Variants in NOX3 observed in about 807,000 individuals in gnomAD.
NOX3 encodes the protein NADPH oxidase catalytic subunit-like 3.
Under a neutral mutation model 76.7 loss-of-function variants are expected in NOX3, and 74 were observed. That is an observed-to-expected ratio of 0.96 (90% CI 0.80 to 1.17). NOX3 has a LOEUF of 1.17. Ranked by LOEUF, NOX3 falls within the 50% of genes most tolerant of loss-of-function variation. The pLI is 0.00. For missense variants in NOX3, 695 were observed against 703.3 expected (o/e 0.99, Z 0.13); for synonymous variants, 263 against 261.1 (o/e 1.01, Z -0.07).
At chr6:155,398,145 T>A (rs1779164265) in intron 12 of NOX3, among the ~76,000 whole-genome samples, 1 of 152,232 alleles carries the variant, frequency 6.6e-6, no homozygotes, top group Non-Finnish European at 1.5e-5. Flanking sequence ...CTGAATTAGT[T>A]ACTCTAGTGT....
intron 6 of NOX3, among the ~76,000 whole-genome samples, chr6:155,436,851 G>A (rs533856988): frequency 6.6e-6 from 1 of 152,322 alleles, no homozygotes; most frequent in African/African-American, 2.4e-5. Flanking sequence ...TCCTTTTGTA[G>A]ACTGTTGAAT....
intron 11 of NOX3, among the ~76,000 whole-genome samples, chr6:155,408,703 G>A (rs1247977658): frequency 6.6e-6 from 1 of 152,088 alleles, no homozygotes; most frequent in Non-Finnish European, 1.5e-5. Flanking sequence ...GAACTAACCT[G>A]AGTGTCCATC....
intron 10 of NOX3, among the ~76,000 whole-genome samples, chr6:155,420,342 T>C (rs1011835024): frequency 2.0e-4 from 30 of 152,184 alleles, no homozygotes; most frequent in African/African-American, 6.8e-4. Flanking sequence ...GTGGAAACCA[T>C]GAAGCAGTGA....
intron 8 of NOX3, among the ~76,000 whole-genome samples, 181 bp downstream of exon 8, chr6:155,430,662 T>C (rs1258629079): frequency 6.6e-6 from 1 of 152,052 alleles, no homozygotes; most frequent in African/African-American, 2.4e-5. Context: ...CCCTGATCCC[T>C]GTCTTCAGCA....
intron 4 of NOX3, among the ~76,000 whole-genome samples, chr6:155,443,819 T>C (rs993024099): frequency 6.6e-6 from 1 of 150,710 alleles, no homozygotes. Flanking sequence ...CATGCTGATA[T>C]GTATGTATAT....
intron 5 of NOX3, among the ~76,000 whole-genome samples, chr6:155,440,820 G>A (rs1196236280): frequency 6.6e-6 from 1 of 152,002 alleles, no homozygotes; most frequent in Non-Finnish European, 1.5e-5. Flanking sequence ...GGATCACCAT[G>A]CTTAATTGCA....
At chr6:155,442,082 G>A (rs1415026771) in intron 5 of NOX3, among the ~76,000 whole-genome samples, 3 of 152,160 alleles carry the variant, frequency 2.0e-5, no homozygotes, top group South Asian at 2.1e-4. Context: ...GGCTAACACA[G>A]TGAAACCCCG....
Position 155,436,426 on chromosome 6 carries a change from C to G in NOX3, c.790G>C (p.Glu264Gln). 6 of 1,614,066 alleles carry G rather than the reference C, an allele frequency of 3.7e-6. No homozygotes were observed. The highest frequency in any genetic ancestry group is 5.1e-6 in the Non-Finnish European group (6 of 1,179,986). ...CCTGGGTTCATTCTTACCGAGGGTTCCTTGCCAGAAAATTGAGGCACGGGG... is the reference window on the plus strand; with the variant it reads ...CCTGGGTTCATTCTTACCGAGGGTTGCTTGCCAGAAAATTGAGGCACGGGG... ...QCPVPQFSGK[E>Q]PSAWKWILGP... Residue 264 changes from glutamate (E) to glutamine (Q), a missense_variant, in exon 7 of 14, where the codon GAA (glutamate) becomes CAA (glutamine). By Grantham distance (29) the Glu-to-Gln change is conservative (BLOSUM62 2). Transcript: ENST00000159060.
At chr6:155,410,568 A>G (rs899818084) in intron 11 of NOX3, among the ~76,000 whole-genome samples, 9 of 152,220 alleles carry the variant, frequency 5.9e-5, no homozygotes, top group East Asian at 1.9e-4. Context: ...ATACTACCAT[A>G]GTCAATATTT....
In NOX3 at chr6:155,428,957, G is replaced by C; in HGVS notation, c.982C>G (p.Pro328Ala). 1 of 1,613,846 alleles carries C rather than the reference G, an allele frequency of 6.2e-7. No homozygotes were observed. Among genetic ancestry groups the C allele is most frequent in the Non-Finnish European group, 8.5e-7 (1 of 1,179,954 alleles). ...APGQYILVQC[P>A]AISSLEWHPF... ...TGCCACTCCAGCGAAGATATGGCTG[G>C]GCACTGCACCAAGATGTACTGCCCT... is the stretch of plus-strand genomic sequence containing the variant. Residue 328 changes from proline to alanine, a missense_variant, in exon 9 of 14, where the codon CCA (proline) becomes GCA (alanine). Coordinates refer to ENST00000159060, the MANE Select transcript of NOX3 (RefSeq NM_015718.3).
rs371662032 is a variant in NOX3, at chr6:155,454,844, T to G, written c.222A>C (p.Arg74=). 9.4e-6 allele frequency: 15 copies of G among 1,602,668 alleles called. No homozygotes were observed. The highest frequency in any genetic ancestry group is 1.3e-5 in the Non-Finnish European group (15 of 1,176,874). The part of the protein sequence containing the change: ...NCMLILIPVS[R]NLISFIRGTS... ...TTCCTCTTATGAATGAAATAAGGTTTCGACTGACAGGTATTAGAATTAGCA... is the reference window on the plus strand; with the variant it reads ...TTCCTCTTATGAATGAAATAAGGTTGCGACTGACAGGTATTAGAATTAGCA... The change falls in exon 3 of 14, where the codon CGA becomes CGC. Residue 74 remains arginine, a synonymous_variant. Coordinates refer to ENST00000159060, the MANE Select transcript of NOX3 (RefSeq NM_015718.3).
chr6:155,403,578 A>C (rs1779262629), intron 12 of NOX3, among the ~76,000 whole-genome samples: 2 of 152,224 alleles, frequency 1.3e-5, no homozygotes, highest in South Asian at 4.1e-4. Context: ...GAGTTTGCAT[A>C]GCTACCGTGC....
intron 5 of NOX3, among the ~76,000 whole-genome samples, chr6:155,442,069 C>T (rs1246590670): frequency 6.6e-6 from 1 of 152,162 alleles, no homozygotes; most frequent in Non-Finnish European, 1.5e-5. Flanking sequence ...TCAAGACCAT[C>T]CTGGCTAACA....
At chr6:155,423,747 T>TC (rs1776722134) in intron 9 of NOX3, among the ~76,000 whole-genome samples, 1 of 149,656 alleles carries the variant, frequency 6.7e-6, no homozygotes, top group African/African-American at 2.4e-5. Context: ...CTTTTTCTTT[T>TC]TTTTTTTTTT....
chr6:155,429,069 G>A, intron 8 of NOX3, 22 bp from the exon 9 acceptor site: 1 of 1,511,168 alleles, frequency 6.6e-7, no homozygotes, highest in Non-Finnish European at 8.9e-7. Flanking sequence ...TGAGAGAGTT[G>A]TTTGCCTTTG....
At chr6:155,428,399 C>T (rs975509609) in intron 9 of NOX3, among the ~76,000 whole-genome samples, 1 of 152,094 alleles carries the variant, frequency 6.6e-6, no homozygotes, top group African/African-American at 2.4e-5. Context: ...AGAAACATAG[C>T]ATCCTTGTTA....
rs1345832487 is a variant in NOX3 at position 155,455,747 on chromosome 6, A to G, written c.48+6T>C. ...TTTAAAGTTGAATAACAAAAATGAT[A>G]CTTACTACTAATATGGTGGAGAGAC... On this transcript the variant is annotated splice_donor_region_variant and intron_variant, in intron 1 of 13. Transcript: ENST00000159060. The G allele has an allele frequency of 6.2e-7, 1 of 1,608,342 alleles. No individual in the cohort carries two copies. Among genetic ancestry groups the G allele is most frequent in the Admixed American group, 1.7e-5 (1 of 60,014 alleles).
chr6:155,443,547 T>C, intron 4 of NOX3, 129 bp from the exon 5 acceptor site: 1 of 1,081,660 alleles, frequency 9.2e-7, no homozygotes, highest in Non-Finnish European at 1.3e-6. Flanking sequence ...AAAAGTGATG[T>C]ATTTACACAT....
intron 7 of NOX3, among the ~76,000 whole-genome samples, chr6:155,433,147 G>T (rs1776856247): frequency 6.6e-6 from 1 of 152,162 alleles, no homozygotes; most frequent in African/African-American, 2.4e-5. Context: ...TTGATAAAAT[G>T]TAATGGATTA....
Sources: allele counts gnomAD v4.1 joint callset (sites outside exome capture counted in the v4.1 genomes callset), GRCh38; gene constraint gnomAD v4.1.1; transcripts MANE v1.5; gene names NCBI Gene and HGNC (gene_info 2026-07-23, HGNC 2026-07-21).